Variants in BCAS3 observed in about 807,000 individuals in gnomAD.
The protein encoded by BCAS3 is BCAS4/BCAS3 fusion.
Under a neutral mutation model 116.1 loss-of-function variants are expected in BCAS3, and 53 were observed. The ratio of observed to expected loss-of-function variants is 0.46; its 90% CI spans 0.37 to 0.57. BCAS3 has a LOEUF of 0.57. Among genes scored for constraint, BCAS3 ranks in the 20% least tolerant of loss-of-function variants. The probability of loss-of-function intolerance (pLI) is 0.00; values close to 1 mark genes in which losing one functional copy is unlikely to be tolerated. For missense variants in BCAS3, 917 were observed against 1,165.4 expected, an observed-to-expected ratio of 0.79 and a Z score of 3.10; for synonymous variants, 391 against 408.2, an observed-to-expected ratio of 0.96 and a Z score of 0.51.
chr17:61,114,796 A>C (rs2075318600), intron 22 of BCAS3, among the ~76,000 whole-genome samples: 1 of 149,570 alleles, frequency 6.7e-6, no homozygotes, highest in South Asian at 2.1e-4. Context: ...ATCCTAAGCC[A>C]AAAGAACAAA....
rs1235456533 is a variant in BCAS3, at chr17:61,300,163, C to T, written c.2426-68164C>T. 6.6e-6 allele frequency among the ~76,000 whole-genome samples: 1 copy of T among 152,140 alleles called. No homozygotes were observed. Among genetic ancestry groups the T allele is most frequent in the Non-Finnish European group, 1.5e-5 (1 of 68,028 alleles). The stretch of plus-strand genomic sequence containing the variant: ...GCTGTTGCATTATTAGAAGTAAATA[C>T]AGCTTATACTGAAAGGACAAAACAG... On this transcript the variant is annotated intron_variant, in intron 22 of 23. Coordinates refer to ENST00000407086, the MANE Select transcript of BCAS3 (RefSeq NM_017679.5). The surrounding 1 kb of genome is among the most constrained non-coding windows in gnomAD (Gnocchi z 5.1).
chr17:60,678,820 A>G (rs914547325), intron 1 of BCAS3, among the ~76,000 whole-genome samples: 11 of 152,210 alleles, frequency 7.2e-5, no homozygotes. Context: ...GTAAATTCCC[A>G]TCCCATGATC....
intron 22 of BCAS3, among the ~76,000 whole-genome samples, chr17:61,272,600 C>T (rs2050379189): frequency 8.1e-6 from 1 of 123,870 alleles, no homozygotes; most frequent in African/African-American, 3.0e-5. Flanking sequence ...GAGTGCACCA[C>T]TGCACTCCAG....
rs2053697421 is a variant in BCAS3 at position 61,304,655 on chromosome 17, C to T, written c.2426-63672C>T. 2.0e-5 allele frequency among the ~76,000 whole-genome samples: 3 copies of T among 152,158 alleles called. 1 individual carries two copies. The highest frequency in any genetic ancestry group is 7.2e-5 in the African/African-American group (3 of 41,418). ...GACTTTCATAGAGCTCTGTACACAC[C>T]TCAATGTCCCTGACACAGGTAGTCA... On this transcript the variant is annotated intron_variant, in intron 22 of 23. Coordinates refer to ENST00000407086, the MANE Select transcript of BCAS3 (RefSeq NM_017679.5).
chr17:61,221,443 G>A (rs1187101533), intron 22 of BCAS3, among the ~76,000 whole-genome samples: 1 of 152,172 alleles, frequency 6.6e-6, no homozygotes, highest in African/African-American at 2.4e-5. Context: ...GTTATCATCT[G>A]TCCTTTAGAG....
rs869090870 is a variant in BCAS3, at chr17:61,059,063, C to CTT, written c.2030-15821_2030-15820dup. 8.8e-3 allele frequency among the ~76,000 whole-genome samples: 289 copies of CTT among 32,798 alleles called. 88 individuals carry two copies. The highest frequency in any genetic ancestry group is 0.012 in the Non-Finnish European group (196 of 15,838). The allele number at this position is 32,798 out of a possible 152,430, so 21.5% of individuals were successfully genotyped here. On this transcript the variant is annotated intron_variant, in intron 19 of 23. Transcript: ENST00000407086. The stretch of plus-strand genomic sequence containing the variant: ...TCCCCGAACTCTTTTTTCTCCCCAT[C>CTT]TTTTTTTTTTTTTTTTTTTTTTTTT...
intron 17 of BCAS3, among the ~76,000 whole-genome samples, chr17:61,035,818 G>A (rs906640214): frequency 4.6e-5 from 7 of 152,124 alleles, no homozygotes; most frequent in Admixed American, 6.5e-5. Context: ...GGTTGGTAGC[G>A]TATACAGCGT....
chr17:61,353,174 G>T (rs1181966828), intron 22 of BCAS3, among the ~76,000 whole-genome samples: 1 of 152,150 alleles, frequency 6.6e-6, no homozygotes, highest in Admixed American at 6.5e-5. Context: ...GCCATGTCCT[G>T]TCCCCTCCCC....
intron 22 of BCAS3, among the ~76,000 whole-genome samples, chr17:61,148,419 T>C (rs1358188908): frequency 6.6e-6 from 1 of 152,198 alleles, no homozygotes; most frequent in Non-Finnish European, 1.5e-5. Flanking sequence ...ACTCAGAGGC[T>C]ACACTGGCTG....
chr17:60,710,805 C>CT (rs547993917), intron 5 of BCAS3, among the ~76,000 whole-genome samples: 8,089 of 134,996 alleles, frequency 0.06, 751 homozygotes, highest in African/African-American at 0.2. Context: ...CCATTCTGTT[C>CT]TTTTTTTTTT....
intron 22 of BCAS3, among the ~76,000 whole-genome samples, chr17:61,099,070 G>T (rs2143647971): frequency 6.6e-6 from 1 of 152,258 alleles, no homozygotes; most frequent in East Asian, 1.9e-4. Flanking sequence ...CTCACAGTGA[G>T]CTGAGATCGC....
chr17:60,913,069 T>G (rs1048810660), intron 12 of BCAS3, among the ~76,000 whole-genome samples: 1 of 152,106 alleles, frequency 6.6e-6, no homozygotes, highest in Admixed American at 6.5e-5. Flanking sequence ...CATTAACTTT[T>G]TATGACCTTG....
Position 61,325,350 on chromosome 17 carries a change from C to T in BCAS3, c.2426-42977C>T, listed in dbSNP as rs961717070. On this transcript the variant is annotated intron_variant, in intron 22 of 23. Transcript: ENST00000407086. The surrounding 1 kb of genome is among the most constrained non-coding windows in gnomAD (Gnocchi z 6.4). The stretch of plus-strand genomic sequence containing the variant: ...TCCATCCTGTCCTGCACATACTCGG[C>T]GTGGCCTCTCCCCACCCTGCCCTGA... Among the ~76,000 whole-genome samples, 11 of 152,148 alleles carry T rather than the reference C, an allele frequency of 7.2e-5. No individual in the cohort carries two copies. The highest frequency in any genetic ancestry group is 1.3e-4 in the Non-Finnish European group (9 of 68,016).
chr17:60,872,335 GCACA>G (rs2055179816), intron 8 of BCAS3, among the ~76,000 whole-genome samples: 1 of 151,080 alleles, frequency 6.6e-6, no homozygotes, highest in Admixed American at 6.6e-5. Context: ...GTATGTATAT[GCACA>G]CATACACACA....
chr17:60,684,753 A>AGG (rs1336809923), intron 3 of BCAS3, among the ~76,000 whole-genome samples: 1 of 152,114 alleles, frequency 6.6e-6, no homozygotes, highest in Non-Finnish European at 1.5e-5. Flanking sequence ...GGACTACTGA[A>AGG]GGGAAAGGTT....
At chr17:61,202,059 CTTTTTTTTTTT>C (rs35961240) in intron 22 of BCAS3, among the ~76,000 whole-genome samples, 7 of 70,336 alleles carry the variant, frequency 1.0e-4, no homozygotes, top group African/African-American at 2.6e-4. Context: ...TGCCCGGCCT[CTTTTTTTTTTT>C]TTTTTTTTTT....
intron 7 of BCAS3, among the ~76,000 whole-genome samples, chr17:60,857,738 G>A (rs2053800590): frequency 6.6e-6 from 1 of 152,260 alleles, no homozygotes; most frequent in South Asian, 2.1e-4. Flanking sequence ...CTGTGTTATT[G>A]GCAGGAAACG....
At position 60,747,270 on chromosome 17, in the gene BCAS3, C is replaced by A. The variant is rs755405960; in HGVS notation, c.394C>A (p.Pro132Thr). 6.2e-7 allele frequency: 1 copy of A among 1,612,406 alleles called. No homozygotes were observed. Among genetic ancestry groups the A allele is most frequent in the Non-Finnish European group, 8.5e-7 (1 of 1,178,754 alleles). Reference protein sequence around the residue: ...PIRAARILPAPQFGAQKCDNF... With the variant: ...PIRAARILPATQFGAQKCDNF... The stretch of plus-strand genomic sequence containing the variant: ...TCGAGCGGCTAGAATCTTGCCTGCT[C>A]CACAGTTTGGTGAGTGTAGTCCTTA... The change falls in exon 6 of 24, where the codon CCA becomes ACA. Residue 132 changes from proline to threonine, a missense_variant. Coordinates refer to ENST00000407086, the MANE Select transcript of BCAS3 (RefSeq NM_017679.5).
At chr17:60,759,824 C>G (rs1325916056) in intron 6 of BCAS3, among the ~76,000 whole-genome samples, 1 of 152,002 alleles carries the variant, frequency 6.6e-6, no homozygotes, top group Non-Finnish European at 1.5e-5. Flanking sequence ...ACCACCATGC[C>G]TGGCTAACTT....
Sources: gnomAD v4.1 joint callset for allele counts (sites outside exome capture counted in the v4.1 genomes callset) on GRCh38, gnomAD v4.1.1 for gene constraint, Gnocchi (gnomAD v3.1) non-coding constraint, MANE v1.5 for transcripts, NCBI Gene and HGNC (gene_info 2026-07-23, HGNC 2026-07-21) for gene names.